Variants in TIMM21 observed in about 807,000 individuals in gnomAD.
The protein encoded by TIMM21 is translocase of inner mitochondrial membrane 21, also known as mitochondrial import inner membrane translocase subunit Tim21.
A neutral mutation model predicts 27.7 loss-of-function variants in TIMM21; 30 were observed. The ratio of observed to expected loss-of-function variants is 1.08; its 90% CI spans 0.81 to 1.47. The LOEUF (loss-of-function observed/expected upper bound fraction) is 1.47. TIMM21 is among the 40% of genes most tolerant of loss of function. The pLI is 0.00. For missense variants in TIMM21, 292 were observed against 302.9 expected (o/e 0.96, Z 0.27); for synonymous variants, 121 against 114.4 (o/e 1.06, Z -0.37).
rs762034862 is a variant in TIMM21, at chr18:74,155,299, AT to A, written c.365-4del. ...CTTCGCTTCATCTTTGTTTTCTGTGATTTCAGGTGGCTTGTTTTACACGATT... is the reference window on the plus strand; with the variant it reads ...CTTCGCTTCATCTTTGTTTTCTGTGATTCAGGTGGCTTGTTTTACACGATT... On this transcript the variant is annotated splice_region_variant and splice_polypyrimidine_tract_variant and intron_variant, in intron 2 of 5. Transcript: ENST00000169551. 18 of 1,612,674 alleles carry A rather than the reference AT, an allele frequency of 1.1e-5. No individual in the cohort carries two copies. In the African/African-American group the frequency reaches 1.7e-4, roughly 16 times the overall value.
intron 1 of TIMM21, among the ~76,000 whole-genome samples, chr18:74,149,931 C>G (rs1310095966): frequency 6.6e-6 from 1 of 152,218 alleles, no homozygotes; most frequent in Non-Finnish European, 1.5e-5. Flanking sequence ...TCAGACGTGA[C>G]AGTCCTTGTG....
rs1568192830 is a variant in TIMM21 at position 74,158,471 on chromosome 18, A to AG, written c.739dup (p.Asp247GlyfsTer2). Reference sequence around the variant, plus strand: ...TTATCATTGAAGATAATCGATCCCAAGATGATTAAAATAGGGTTTCTGATG... The same window carrying AG: ...TTATCATTGAAGATAATCGATCCCAAGGATGATTAAAATAGGGTTTCTGATG... On this transcript the variant is annotated frameshift_variant, in exon 6 of 6. Coordinates refer to ENST00000169551, the MANE Select transcript of TIMM21 (RefSeq NM_014177.3). LOFTEE classifies it high-confidence loss of function. 6.3e-7 allele frequency: 1 copy of AG among 1,584,376 alleles called. No homozygotes were observed. Among genetic ancestry groups the AG allele is most frequent in the South Asian group, 1.1e-5 (1 of 90,214 alleles).
At chr18:74,149,144 C>A in intron 1 of TIMM21, 35 bp downstream of exon 1, 1 of 1,580,680 alleles carries the variant, frequency 6.3e-7, no homozygotes, top group Non-Finnish European at 8.6e-7. Context: ...GGGCTTTCAA[C>A]AGACATGACA....
chr18:74,157,081 CT>C (rs535428311), intron 3 of TIMM21: 1 of 152,110 alleles, frequency 6.6e-6, no homozygotes, highest in Non-Finnish European at 1.5e-5. Flanking sequence ...GAGGGTCAAA[CT>C]TTTTTAGTTT....
rs1979852107 is a variant in TIMM21 at position 74,152,974 on chromosome 18, G to A, written c.302-2171G>A. On this transcript the variant is annotated intron_variant, in intron 1 of 5. Transcript: ENST00000169551. The surrounding 1 kb of genome is among the most constrained non-coding windows in gnomAD (Gnocchi z 4.1). The stretch of plus-strand genomic sequence containing the variant: ...GGCATTGAATATGGGCTGGTCCAGG[G>A]AAGTGCCGTGACCTAAGTGAGGAAG... Among the ~76,000 whole-genome samples the A allele has an allele frequency of 6.6e-6, 1 of 152,206 alleles. No homozygotes were observed. Among genetic ancestry groups the A allele is most frequent in the Non-Finnish European group, 1.5e-5 (1 of 68,040 alleles).
intron 1 of TIMM21, among the ~76,000 whole-genome samples, chr18:74,150,453 G>T (rs1386509162): frequency 6.6e-6 from 1 of 152,158 alleles, no homozygotes; most frequent in Non-Finnish European, 1.5e-5. Context: ...GTGGCAAGTG[G>T]CTACTGTATT....
At chr18:74,155,267 G>A (rs769390261) in intron 2 of TIMM21, 39 bp from the exon 3 acceptor site, 3 of 1,612,150 alleles carry the variant, frequency 1.9e-6, no homozygotes, top group East Asian at 4.5e-5. Flanking sequence ...TTTTTATGTT[G>A]CCCTTGCTTC....
rs1979844240 is a variant in TIMM21, at chr18:74,152,697, G to A, written c.302-2448G>A. ...GCCAGCTCCAAAATCCAAATTGAGA[G>A]CTGCTTACCACTCCTGGTAGCACCC... On this transcript the variant is annotated intron_variant, in intron 1 of 5. Coordinates refer to ENST00000169551, the MANE Select transcript of TIMM21 (RefSeq NM_014177.3). This position sits in a 1 kb window ranked among gnomAD's most constrained non-coding sequence, Gnocchi z 4.1. Among the ~76,000 whole-genome samples the A allele has an allele frequency of 6.6e-6, 1 of 152,228 alleles. No homozygotes were observed. The highest frequency in any genetic ancestry group is 2.1e-4 in the South Asian group (1 of 4,834).
intron 1 of TIMM21, among the ~76,000 whole-genome samples, chr18:74,151,194 G>A (rs74757686): frequency 0.044 from 6,705 of 152,240 alleles, 204 homozygotes; most frequent in East Asian, 0.12. Flanking sequence ...GAAGGACGGG[G>A]GGAGTCAGTT....
In TIMM21 at chr18:74,155,225, G is replaced by A. The variant is rs1397382410; in HGVS notation, c.364+18G>A. 7 of 1,613,952 alleles carry A rather than the reference G, an allele frequency of 4.3e-6. No individual in the cohort carries two copies. In the African/African-American group the frequency reaches 9.3e-5, roughly 22 times the overall value. On this transcript the variant is annotated intron_variant, in intron 2 of 5. Coordinates refer to ENST00000169551, the MANE Select transcript of TIMM21 (RefSeq NM_014177.3). ...CATTACAGGTTGCAAAAAACAGCAAGTATAAGCCCTTGAATATTTTTTAAA... is the reference window on the plus strand; with the variant it reads ...CATTACAGGTTGCAAAAAACAGCAAATATAAGCCCTTGAATATTTTTTAAA...
Position 74,152,877 on chromosome 18 carries a change from T to C in TIMM21, c.302-2268T>C, listed in dbSNP as rs62097056. Among the ~76,000 whole-genome samples the C allele has an allele frequency of 0.12, 18,225 of 152,290 alleles. 1,304 individuals are homozygous for C. Among genetic ancestry groups the C allele is most frequent in the Admixed American group, 0.2 (3,007 of 15,302 alleles). ...GGGCCTCAGCTGCTGCTCTGGGGAC[T>C]TCTGGAGCTGAGCTGGCCAGTCACT... On this transcript the variant is annotated intron_variant, in intron 1 of 5. Coordinates refer to ENST00000169551, the MANE Select transcript of TIMM21 (RefSeq NM_014177.3). The surrounding 1 kb of genome is among the most constrained non-coding windows in gnomAD (Gnocchi z 4.1).
intron 1 of TIMM21, among the ~76,000 whole-genome samples, chr18:74,150,727 G>A (rs1979778844): frequency 6.6e-6 from 1 of 152,206 alleles, no homozygotes; most frequent in Non-Finnish European, 1.5e-5. Context: ...TGAGTTTGCA[G>A]TTAACCACTG....
intron 1 of TIMM21, among the ~76,000 whole-genome samples, chr18:74,151,817 A>G (rs1293741052): frequency 6.6e-6 from 1 of 151,930 alleles, no homozygotes; most frequent in Non-Finnish European, 1.5e-5. Context: ...ATCAGTTCCC[A>G]GGGTGCTTGC....
Position 74,148,911 on chromosome 18 carries a change from T to G in TIMM21, c.103T>G (p.Leu35Val). 6.2e-7 allele frequency: 1 copy of G among 1,614,206 alleles called. No homozygotes were observed. The highest frequency in any genetic ancestry group is 8.5e-7 in the Non-Finnish European group (1 of 1,180,034). The change falls in exon 1 of 6, where the codon TTG (leucine) becomes GTG (valine). Residue 35 changes from leucine (L) to valine (V), a missense_variant. Physicochemically the swap from Leu to Val is conservative, Grantham distance 32. Transcript: ENST00000169551. The stretch of plus-strand genomic sequence containing the variant: ...ATACATCGTGCTTAACAAAGCGTGC[T>G]TGAAGACTGAGCCCAGTTTGAGATG... ...LPYIVLNKAC[L>V]KTEPSLRCGL...
At chr18:74,149,159 C>A (rs770903488) in intron 1 of TIMM21, 50 bp downstream of exon 1, 61 of 1,555,310 alleles carry the variant, frequency 3.9e-5, no homozygotes, top group Non-Finnish European at 5.1e-5. Context: ...ATGACAAGAG[C>A]TGCCAATGCC....
rs113212978 is a variant in TIMM21 at position 74,151,945 on chromosome 18, C to CG, written c.301+2836_301+2837insG. Among the ~76,000 whole-genome samples, 20 of 145,342 alleles carry CG rather than the reference C, an allele frequency of 1.4e-4. No homozygotes were observed. The East Asian group carries it at 2.5e-3, about 18-fold the overall frequency. ...AGCAGTGGTGTCTATGTTCCCCCCC[C>CG]CCCCGGGGGGACCTCCAGCTCCTTC... On this transcript the variant is annotated intron_variant, in intron 1 of 5. Transcript: ENST00000169551.
At position 74,158,643 on chromosome 18, in the gene TIMM21, C is replaced by G; in HGVS notation, c.*163C>G. The stretch of plus-strand genomic sequence containing the variant: ...TTTAAACAAACTAGACATTTTCTTA[C>G]GGAAAAATTATGAAATACAGCATAT... On this transcript the variant is annotated 3_prime_UTR_variant, in exon 6 of 6. Coordinates refer to ENST00000169551, the MANE Select transcript of TIMM21 (RefSeq NM_014177.3). The G allele has an allele frequency of 5.3e-6, 3 of 560,826 alleles. No individual in the cohort carries two copies. The highest frequency in any genetic ancestry group is 9.6e-6 in the Non-Finnish European group (3 of 312,514). The allele number at this position is 560,826 out of a possible 1,614,324, so 34.7% of individuals were successfully genotyped here. A position where few individuals can be genotyped will look rare whatever the true frequency, so the allele number is the denominator to read the frequency against.
In TIMM21 at chr18:74,158,551, G is replaced by A. The variant is rs1980021449; in HGVS notation, c.*71G>A. On this transcript the variant is annotated 3_prime_UTR_variant, in exon 6 of 6. Coordinates refer to ENST00000169551, the MANE Select transcript of TIMM21 (RefSeq NM_014177.3). ...GTTCTTCACAGCTGCCTTCCAGAATGTGTTCAAAAGAAAGACAAGAAGGAG... is the reference window on the plus strand; with the variant it reads ...GTTCTTCACAGCTGCCTTCCAGAATATGTTCAAAAGAAAGACAAGAAGGAG... 7 of 923,574 alleles carry A rather than the reference G, an allele frequency of 7.6e-6. No individual in the cohort carries two copies. Among genetic ancestry groups the A allele is most frequent in the Non-Finnish European group, 1.2e-5 (7 of 588,598 alleles). The allele number at this position is 923,574 out of a possible 1,614,324, so 57.2% of individuals were successfully genotyped here. A position where few individuals can be genotyped will look rare whatever the true frequency, so the allele number is the denominator to read the frequency against.
chr18:74,154,482 C>A (rs1346742461), intron 1 of TIMM21, among the ~76,000 whole-genome samples: 1 of 151,888 alleles, frequency 6.6e-6, no homozygotes, highest in Non-Finnish European at 1.5e-5. Context: ...AGGATGGTCT[C>A]GATCTCCTGA....
Sources: gnomAD v4.1 joint callset for allele counts (sites outside exome capture counted in the v4.1 genomes callset) on GRCh38, gnomAD v4.1.1 for gene constraint, Gnocchi (gnomAD v3.1) non-coding constraint, MANE v1.5 for transcripts, NCBI Gene and HGNC (gene_info 2026-07-23, HGNC 2026-07-21) for gene names.